The following ZNF107 variants were observed in gnomAD, a reference collection of about 807,000 sequenced individuals.
ZNF107 encodes C2H2 type zinc-finger protein.
ZNF107 carries 19 observed loss-of-function variants against 12.3 expected under a neutral mutation model. That is an observed-to-expected ratio of 1.55 (90% CI 1.08 to 2.27). The LOEUF (loss-of-function observed/expected upper bound fraction) is 2.27, where lower values mean the gene tolerates loss of function less well. Among genes scored for constraint, ZNF107 ranks in the 30% most tolerant of loss-of-function variants. The probability of loss-of-function intolerance (pLI) is 0.00; values close to 1 mark genes in which losing one functional copy is unlikely to be tolerated. For synonymous variants in ZNF107, 317 were observed against 330.5 expected (o/e 0.96, Z 0.44); for missense variants, 958 against 979.9 (o/e 0.98, Z 0.30).
chr7:64,704,491 G>A (rs1267050731), intron 3 of ZNF107, among the ~76,000 whole-genome samples: 6 of 151,974 alleles, frequency 3.9e-5, no homozygotes, highest in South Asian at 2.1e-4. Flanking sequence ...TGATCTGCCC[G>A]TCTCAGCCTC....
Position 64,699,464 on chromosome 7 carries a change from G to A in ZNF107, c.227-6860G>A, listed in dbSNP as rs554737222. 3.3e-5 allele frequency among the ~76,000 whole-genome samples: 5 copies of A among 152,218 alleles called. 1 individual carries two copies. The highest frequency in any genetic ancestry group is 9.6e-5 in the African/African-American group (4 of 41,534). ...GAGACAGGATCTTACTCTCACCCAGGCTAAAGTGCAGTGGTATGATGGCAT... is the reference window on the plus strand; with the variant it reads ...GAGACAGGATCTTACTCTCACCCAGACTAAAGTGCAGTGGTATGATGGCAT... On this transcript the variant is annotated intron_variant, in intron 3 of 3. Coordinates refer to ENST00000620827, the MANE Select transcript of ZNF107 (RefSeq NM_001282359.2).
intron 1 of ZNF107, chr7:64,684,435 C>G (rs902030079): frequency 6.5e-6 from 2 of 308,702 alleles, no homozygotes; most frequent in South Asian, 1.3e-4. Context: ...CCTTCCTGGT[C>G]GTTTATGGTA....
At chr7:64,673,331 C>T (rs1023475603) in intron 1 of ZNF107, among the ~76,000 whole-genome samples, 11 of 152,282 alleles carry the variant, frequency 7.2e-5, no homozygotes, top group African/African-American at 2.2e-4. Context: ...CATGAGCCAC[C>T]GCACCTGACA....
chr7:64,702,841 G>C (rs1790521877), intron 3 of ZNF107, among the ~76,000 whole-genome samples: 1 of 152,218 alleles, frequency 6.6e-6, no homozygotes, highest in South Asian at 2.1e-4. Flanking sequence ...TTATAGGCGT[G>C]AGCCACCGCA....
At position 64,708,719 on chromosome 7, in the gene ZNF107, G is replaced by T; in HGVS notation, c.*63G>T. 6.7e-7 allele frequency: 1 copy of T among 1,487,430 alleles called. No individual in the cohort carries two copies. The highest frequency in any genetic ancestry group is 9.1e-7 in the Non-Finnish European group (1 of 1,101,536). The allele number at this position is 1,487,430 out of a possible 1,614,324, so 92.1% of individuals were successfully genotyped here. ...ACTGGAGAGAAACTACAAATGTGAA[G>T]AATGTGTTAAAGCCTTTAACAAGTC... On this transcript the variant is annotated 3_prime_UTR_variant, in exon 4 of 4. Coordinates refer to ENST00000620827, the MANE Select transcript of ZNF107 (RefSeq NM_001282359.2).
chr7:64,685,118 G>A (rs1388083373), intron 1 of ZNF107, among the ~76,000 whole-genome samples: 7 of 152,084 alleles, frequency 4.6e-5, no homozygotes, highest in African/African-American at 1.2e-4. Flanking sequence ...CTGACAGGTC[G>A]TGCAGTTCAA....
At chr7:64,674,961 A>C (rs368313968) in intron 1 of ZNF107, among the ~76,000 whole-genome samples, 1 of 151,934 alleles carries the variant, frequency 6.6e-6, no homozygotes, top group Non-Finnish European at 1.5e-5. Flanking sequence ...AGTCTACTTG[A>C]TCATAGTGGA....
chr7:64,676,923 A>T (rs1237795358), intron 1 of ZNF107, among the ~76,000 whole-genome samples: 2 of 151,958 alleles, frequency 1.3e-5, no homozygotes, highest in Non-Finnish European at 2.9e-5. Flanking sequence ...GTGTCATCTT[A>T]TGTTAAAAAA....
At chr7:64,666,402 G>A (rs1313736888) in intron 1 of ZNF107, 117 bp downstream of exon 1, 5 of 1,406,530 alleles carry the variant, frequency 3.6e-6, no homozygotes, top group Admixed American at 1.9e-5. Flanking sequence ...TCTCCTTGGC[G>A]CAGCTCGGCC....
chr7:64,707,239 C>G lies in ZNF107; in HGVS notation c.1142C>G (p.Ser381Cys), dbSNP rs1438036432. The G allele has an allele frequency of 1.2e-6, 2 of 1,612,656 alleles. No homozygotes were observed. Among genetic ancestry groups the G allele is most frequent in the African/African-American group, 2.7e-5 (2 of 74,700 alleles). The change falls in exon 4 of 4, where the codon TCC becomes TGC. Residue 381 changes from serine to cysteine, a missense_variant. Ser to Cys is a moderately radical substitution (Grantham distance 112). Coordinates refer to ENST00000620827, the MANE Select transcript of ZNF107 (RefSeq NM_001282359.2). ...GAATGTGACAAAGCTTTTAACCGATCCTTAAAACTTACTGCACATAAGAAA... is the reference window on the plus strand; with the variant it reads ...GAATGTGACAAAGCTTTTAACCGATGCTTAAAACTTACTGCACATAAGAAA... ...CEECDKAFNRSLKLTAHKKIL... is the reference protein window; with the variant it reads ...CEECDKAFNRCLKLTAHKKIL...
At chr7:64,694,925 C>A (rs947303656) in intron 3 of ZNF107, among the ~76,000 whole-genome samples, 28 of 152,112 alleles carry the variant, frequency 1.8e-4, no homozygotes, top group African/African-American at 6.0e-4. Flanking sequence ...TAGTTACTTA[C>A]AAATTTGAGC....
intron 1 of ZNF107, among the ~76,000 whole-genome samples, chr7:64,671,410 A>G (rs865939486): frequency 6.6e-6 from 1 of 152,186 alleles, no homozygotes; most frequent in South Asian, 2.1e-4. Flanking sequence ...AAAACCCACC[A>G]AAGTGTCTAC....
Position 64,707,103 on chromosome 7 carries a change from G to T in ZNF107, c.1006G>T (p.Ala336Ser). 4 of 1,612,264 alleles carry T rather than the reference G, an allele frequency of 2.5e-6. No individual in the cohort carries two copies. The highest frequency in any genetic ancestry group is 3.4e-6 in the Non-Finnish European group (4 of 1,179,434). Reference protein sequence around the residue: ...SNLTNHKRIHAGEKPYKCKEC... With the variant: ...SNLTNHKRIHSGEKPYKCKEC... The stretch of plus-strand genomic sequence containing the variant: ...TCTTACTAACCATAAGAGAATTCAT[G>T]CTGGGGAGAAACCCTACAAATGTAA... Residue 336 changes from alanine (A) to serine (S), a missense_variant, in exon 4 of 4, where the codon GCT (alanine) becomes TCT (serine). Physicochemically the swap from Ala to Ser is moderately conservative, Grantham distance 99. Transcript: ENST00000620827.
chr7:64,691,161 A>G, intron 1 of ZNF107, 87 bp from the exon 2 acceptor site: 1 of 1,182,924 alleles, frequency 8.5e-7, no homozygotes, highest in Admixed American at 3.7e-5. Context: ...CATGAACCAC[A>G]GTACCCGACT....
intron 1 of ZNF107, among the ~76,000 whole-genome samples, chr7:64,681,236 CT>C (rs1789659327): frequency 1.3e-5 from 2 of 152,014 alleles, no homozygotes; most frequent in Non-Finnish European, 2.9e-5. Flanking sequence ...AGTCCATCCC[CT>C]TTTTGATCGA....
Position 64,708,578 on chromosome 7 carries a change from C to A in ZNF107, c.2481C>A (p.Asn827Lys). Residue 827 changes from asparagine to lysine, a missense_variant, in exon 4 of 4, where the codon AAC (asparagine) becomes AAA (lysine). Asn to Lys is a moderately conservative substitution (Grantham distance 94). Coordinates refer to ENST00000620827, the MANE Select transcript of ZNF107 (RefSeq NM_001282359.2). ...YKCGDYGRAF[N>K]LSSNLTTHKK... is the part of the protein sequence containing the mutation. ...GTGGAGATTATGGCAGAGCTTTCAA[C>A]CTATCCTCAAATCTTACTACACATA... The A allele has an allele frequency of 1.9e-6, 3 of 1,612,222 alleles. No homozygotes were observed. The highest frequency in any genetic ancestry group is 2.5e-6 in the Non-Finnish European group (3 of 1,179,100).
chr7:64,668,294 T>C (rs1433012550), intron 1 of ZNF107, among the ~76,000 whole-genome samples: 1 of 145,042 alleles, frequency 6.9e-6, no homozygotes. Context: ...CTCCTAATGC[T>C]ATCCCTCCCC....
chr7:64,666,224 G>A lies in ZNF107; in HGVS notation c.-59G>A. On this transcript the variant is annotated 5_prime_UTR_variant, in exon 1 of 4. Transcript: ENST00000620827. ...AGAGGCCCAGCCTCTGTGTCCCTGTGACCTGCAGATATTGGGAGATCCACA... is the reference window on the plus strand; with the variant it reads ...AGAGGCCCAGCCTCTGTGTCCCTGTAACCTGCAGATATTGGGAGATCCACA... The A allele has an allele frequency of 6.2e-7, 1 of 1,600,154 alleles. No individual in the cohort carries two copies. Among genetic ancestry groups the A allele is most frequent in the Non-Finnish European group, 8.5e-7 (1 of 1,171,476 alleles).
At position 64,709,494 on chromosome 7, in the gene ZNF107, G is replaced by A. The variant is rs752639597; in HGVS notation, c.*838G>A. 5.8e-5 allele frequency: 20 copies of A among 343,644 alleles called. 1 individual carries two copies. Among genetic ancestry groups the A allele is most frequent in the South Asian group, 2.5e-4 (11 of 44,322 alleles). The allele number at this position is 343,644 out of a possible 1,614,324, so 21.3% of individuals were successfully genotyped here. ...GTGACAATAATTTTGACAACACCTC[G>A]AACTTTCTAACATAAATCATACTGG... is the stretch of plus-strand genomic sequence containing the variant. On this transcript the variant is annotated 3_prime_UTR_variant, in exon 4 of 4. Transcript: ENST00000620827.
Sources: allele counts gnomAD v4.1 joint callset (sites outside exome capture counted in the v4.1 genomes callset), GRCh38; gene constraint gnomAD v4.1.1; transcripts MANE v1.5; gene names NCBI Gene and HGNC (gene_info 2026-07-23, HGNC 2026-07-21).